The following VCF2 variants were observed in gnomAD, a reference collection of about 807,000 sequenced individuals.
VCF2 encodes the protein protein VCF2.
chrX:55,160,920 C>T, the VCF2 span: 2 of 1,162,506 alleles, frequency 1.7e-6, no homozygotes, highest in Non-Finnish European at 1.1e-6. Flanking sequence ...TTTTTTCAAG[C>T]ACGAAGGGCG....
the VCF2 span, among the ~76,000 whole-genome samples, chrX:55,156,038 G>A: frequency 3.3e-4 from 33 of 100,904 alleles, no homozygotes; most frequent in African/African-American, 8.5e-4. Context: ...TGAAACCTCC[G>A]CCTCCCGGGT....
the VCF2 span, among the ~76,000 whole-genome samples, chrX:55,155,362 T>C: frequency 9.0e-6 from 1 of 111,707 alleles, no homozygotes; most frequent in African/African-American, 3.3e-5. Flanking sequence ...CTGGGAAATT[T>C]TGCAATGTAT....
the VCF2 span, among the ~76,000 whole-genome samples, chrX:55,147,631 C>CTT: frequency 6.7e-4 from 46 of 68,532 alleles, 1 homozygote; most frequent in South Asian, 1.7e-3. Context: ...GTTGGCTTTC[C>CTT]TTGTTTTTTT....
chrX:55,151,832 T>A, the VCF2 span, among the ~76,000 whole-genome samples: 1 of 110,627 alleles, frequency 9.0e-6, no homozygotes. Context: ...CTTTCTTTCC[T>A]TTCCTTTTTT....
the VCF2 span, chrX:55,161,122 C>T: frequency 5.8e-6 from 7 of 1,206,816 alleles, no homozygotes; most frequent in Non-Finnish European, 6.7e-6. Context: ...GCCGGAAAGG[C>T]CCCGACGAAC....
At chrX:55,144,176 A>G in the VCF2 span, among the ~76,000 whole-genome samples, 1 of 111,515 alleles carries the variant, frequency 9.0e-6, no homozygotes, top group East Asian at 2.8e-4. Context: ...TTTAATAGAC[A>G]CTTTCTTTCA....
At chrX:55,151,088 C>T in the VCF2 span, among the ~76,000 whole-genome samples, 12 of 111,875 alleles carry the variant, frequency 1.1e-4, no homozygotes, top group Non-Finnish European at 1.9e-5. Context: ...ATATTTCTAC[C>T]TGATTTTTCC....
At chrX:55,145,022 AC>A in the VCF2 span, among the ~76,000 whole-genome samples, 2 of 110,904 alleles carry the variant, frequency 1.8e-5, no homozygotes, top group South Asian at 3.8e-4. Context: ...AAACATGGGG[AC>A]CCCCCCATCT....
chrX:55,153,480 G>C, the VCF2 span, among the ~76,000 whole-genome samples: 5 of 107,555 alleles, frequency 4.6e-5, no homozygotes, highest in East Asian at 1.4e-3. Context: ...TCAGCCTCCC[G>C]AGTAGCTGGG....
At chrX:55,150,647 A>G in the VCF2 span, among the ~76,000 whole-genome samples, 55 of 112,011 alleles carry the variant, frequency 4.9e-4, no homozygotes, top group South Asian at 9.5e-3. Context: ...TTTCCTTGTC[A>G]ATTATGTCTT....
At chrX:55,151,888 C>CTTTTT in the VCF2 span, among the ~76,000 whole-genome samples, 2 of 50,028 alleles carry the variant, frequency 4.0e-5, no homozygotes, top group South Asian at 3.2e-3. Context: ...GCTGTGCTTT[C>CTTTTT]TTTTTTTTTT....
the VCF2 span, chrX:55,161,011 A>C: frequency 8.6e-7 from 1 of 1,168,464 alleles, no homozygotes; most frequent in Non-Finnish European, 1.1e-6. Flanking sequence ...CCAACCCCGG[A>C]AGAAAATACA....
At chrX:55,159,075 A>T in the VCF2 span, 12 of 951,431 alleles carry the variant, frequency 1.3e-5, no homozygotes, top group Admixed American at 3.5e-4. Context: ...CACAAATTGG[A>T]TAATTTAGTG....
chrX:55,144,590 ATGTGTGTG>A, the VCF2 span, among the ~76,000 whole-genome samples: 17 of 106,744 alleles, frequency 1.6e-4, no homozygotes, highest in African/African-American at 2.7e-4. Flanking sequence ...AACCATGAAA[ATGTGTGTG>A]TGTGTGTGTG....
chrX:55,150,990 TTC>T, the VCF2 span, among the ~76,000 whole-genome samples: 1 of 112,671 alleles, frequency 8.9e-6, no homozygotes, highest in Non-Finnish European at 1.9e-5. Context: ...TAACTTTTGT[TTC>T]TGAGTCCAGA....
the VCF2 span, among the ~76,000 whole-genome samples, chrX:55,147,634 GTTTTTTTTTT>G: frequency 3.7e-5 from 2 of 54,091 alleles, no homozygotes; most frequent in African/African-American, 8.0e-5. Context: ...GGCTTTCCTT[GTTTTTTTTTT>G]TTTTTTTTTT....
chrX:55,150,840 G>C, the VCF2 span, among the ~76,000 whole-genome samples: 1 of 111,645 alleles, frequency 9.0e-6, no homozygotes, highest in Non-Finnish European at 1.9e-5. Context: ...GAGCTAATGT[G>C]TTCATAAACA....
At chrX:55,145,250 T>C in the VCF2 span, 1 of 661,103 alleles carries the variant, frequency 1.5e-6, no homozygotes, top group Non-Finnish European at 1.8e-6. Flanking sequence ...ATTAACTCTA[T>C]ACATAATAGA....
At chrX:55,160,844 C>T in the VCF2 span, 2 of 1,154,253 alleles carry the variant, frequency 1.7e-6, no homozygotes, top group East Asian at 6.5e-5. Flanking sequence ...CCCCCGCCTC[C>T]AGGGCTTGTA....
Sources: gnomAD v4.1 joint callset for allele counts (sites outside exome capture counted in the v4.1 genomes callset) on GRCh38, gnomAD v4.1.1 for gene constraint, MANE v1.5 for transcripts, NCBI Gene and HGNC (gene_info 2026-07-23, HGNC 2026-07-21) for gene names.